BOC: variants seen among roughly 807,000 people sequenced by gnomAD.
The protein encoded by BOC is brother of CDO.
BOC carries 76 observed loss-of-function variants against 112.0 expected under a neutral mutation model. The observed-to-expected ratio is 0.68, with a 90% CI of 0.56 to 0.82. BOC has a LOEUF of 0.82. Ranked by LOEUF, BOC falls within the 40% of genes least tolerant of loss-of-function variation. The pLI, the probability that BOC is intolerant of heterozygous loss-of-function variation, is 0.00. For synonymous variants in BOC, 580 were observed against 599.8 expected (o/e 0.97, Z 0.48); for missense variants, 1,309 against 1,511.7 (o/e 0.87, Z 2.22).
In BOC at chr3:113,274,587, A is replaced by G; in HGVS notation, c.1447A>G (p.Thr483Ala). 1 of 1,613,586 alleles carries G rather than the reference A, an allele frequency of 6.2e-7. No homozygotes were observed. The highest frequency in any genetic ancestry group is 8.5e-7 in the Non-Finnish European group (1 of 1,179,978). ...EAPIILSSPR[T>A]SKTDSYELVW... ...TCCCATCATCCTCAGCTCGCCCCGC[A>G]CCTCCAAGACAGACTCATATGAACT... The change falls in exon 9 of 20, where the codon ACC (threonine) becomes GCC (alanine). Residue 483 changes from threonine to alanine, a missense_variant. Coordinates refer to ENST00000682979, the MANE Select transcript of BOC (RefSeq NM_001378074.1). The surrounding 1 kb of genome is among the most constrained non-coding windows in gnomAD (Gnocchi z 4.8).
intron 5 of BOC, among the ~76,000 whole-genome samples, chr3:113,269,062 C>T (rs983513420): frequency 1.3e-5 from 2 of 152,228 alleles, no homozygotes; most frequent in African/African-American, 2.4e-5. Context: ...GTTCTGCATG[C>T]TGCCTGGGGA....
intron 9 of BOC, among the ~76,000 whole-genome samples, chr3:113,277,024 C>T (rs1219502435): frequency 6.6e-6 from 1 of 152,162 alleles, no homozygotes; most frequent in African/African-American, 2.4e-5. Flanking sequence ...TGTTGGGGAG[C>T]CTGGAGCTCC....
chr3:113,252,235 A>G (rs907506831), intron 4 of BOC, among the ~76,000 whole-genome samples: 1 of 152,132 alleles, frequency 6.6e-6, no homozygotes, highest in African/African-American at 2.4e-5. Context: ...AAAATAGGGA[A>G]ACTTGTTGAG....
Position 113,287,028 on chromosome 3 carries a change from A to T in BOC, c.*166A>T. 2 of 831,482 alleles carry T rather than the reference A, an allele frequency of 2.4e-6. No individual in the cohort carries two copies. Among genetic ancestry groups the T allele is most frequent in the Non-Finnish European group, 1.9e-6 (1 of 519,036 alleles). The allele number at this position is 831,482 out of a possible 1,614,324, so 51.5% of individuals were successfully genotyped here. On this transcript the variant is annotated 3_prime_UTR_variant, in exon 20 of 20. Coordinates refer to ENST00000682979, the MANE Select transcript of BOC (RefSeq NM_001378074.1). ...ATGTTTTATAATTCTGGAGAGACAT[A>T]AGGAGTCCTACCCGTTGAGGTTGGA...
intron 2 of BOC, among the ~76,000 whole-genome samples, chr3:113,226,426 G>T (rs1576338320): frequency 6.6e-6 from 1 of 152,168 alleles, no homozygotes; most frequent in South Asian, 2.1e-4. Flanking sequence ...TGGGCTTCTG[G>T]TTTTACTGAC....
At chr3:113,266,300 G>A (rs1293336948) in intron 4 of BOC, among the ~76,000 whole-genome samples, 2 of 152,160 alleles carry the variant, frequency 1.3e-5, no homozygotes, top group Non-Finnish European at 2.9e-5. Flanking sequence ...TGTGAAATAA[G>A]CACATCATGG....
At chr3:113,282,353 G>A (rs1292358047) in intron 15 of BOC, among the ~76,000 whole-genome samples, 1 of 152,200 alleles carries the variant, frequency 6.6e-6, no homozygotes, top group Admixed American at 6.5e-5. Flanking sequence ...TTCTAAGGAG[G>A]TGTGGGCGGG....
chr3:113,278,034 C>T lies in BOC; in HGVS notation c.1543-61C>T, dbSNP rs1165441713. The T allele has an allele frequency of 6.3e-7, 1 of 1,588,796 alleles. No homozygotes were observed. The highest frequency in any genetic ancestry group is 2.2e-5 in the East Asian group (1 of 44,714). ...GGCTCAGCGCTGCTTTCTTTGTAAA[C>T]CATAGCCCACTCGTAGCCCGAGGCT... On this transcript the variant is annotated intron_variant, in intron 9 of 19. Transcript: ENST00000682979. The surrounding 1 kb of genome is among the most constrained non-coding windows in gnomAD (Gnocchi z 4.2).
intron 1 of BOC, chr3:113,212,520 G>C (rs1225641375): frequency 2.6e-5 from 4 of 152,270 alleles, no homozygotes; most frequent in African/African-American, 9.6e-5. Flanking sequence ...CCTCTTTGGA[G>C]GGTGAGGGTT....
intron 2 of BOC, 50 bp downstream of exon 2, chr3:113,216,324 C>G (rs1190072731): frequency 4.4e-6 from 2 of 453,334 alleles, no homozygotes; most frequent in Non-Finnish European, 8.9e-6. Flanking sequence ...ATTAGGTCAG[C>G]CATTTGTTCA....
chr3:113,242,927 A>C (rs1247569310), intron 2 of BOC, among the ~76,000 whole-genome samples: 2 of 152,102 alleles, frequency 1.3e-5, no homozygotes, highest in East Asian at 3.9e-4. Flanking sequence ...TTTTCTACCT[A>C]AAAAAGGAAT....
chr3:113,227,992 C>T (rs145578416), intron 2 of BOC, among the ~76,000 whole-genome samples: 51 of 152,198 alleles, frequency 3.4e-4, no homozygotes, highest in African/African-American at 1.2e-3. Flanking sequence ...TTTTCTACCA[C>T]CTTCCAACAG....
Position 113,283,607 on chromosome 3 carries a change from C to G in BOC, c.2631C>G (p.Cys877Trp), listed in dbSNP as rs1168627248. ...VLIIVTFIPF[C>W]LWRAWSKQKH... is the part of the protein sequence containing the mutation. The stretch of plus-strand genomic sequence containing the variant: ...TCATCGTCACCTTCATCCCCTTCTG[C>G]TTGTGGAGGGCCTGGTCTAAGCAAA... Residue 877 changes from cysteine to tryptophan, a missense_variant, in exon 16 of 20, where the codon TGC (cysteine) becomes TGG (tryptophan). Transcript: ENST00000682979. The G allele has an allele frequency of 6.2e-7, 1 of 1,613,588 alleles. No homozygotes were observed. Among genetic ancestry groups the G allele is most frequent in the East Asian group, 2.2e-5 (1 of 44,832 alleles).
intron 2 of BOC, among the ~76,000 whole-genome samples, chr3:113,233,871 C>T (rs1327328624): frequency 7.1e-6 from 1 of 141,112 alleles, no homozygotes; most frequent in African/African-American, 2.6e-5. Flanking sequence ...AATTAAGAAC[C>T]ACGGCGGGCT....
Position 113,285,557 on chromosome 3 carries a change from T to C in BOC, c.3152T>C (p.Phe1051Ser). The stretch of plus-strand genomic sequence containing the variant: ...CTGGAAGCAGTGTGGGACCCTCCAT[T>C]TCACTCAGGTTGGTTCCAGGAGCAG... ...PVLEAVWDPP[F>S]HSGPPCCLGL... The change falls in exon 19 of 20, where the codon TTT becomes TCT. Residue 1051 changes from phenylalanine (F) to serine (S), a missense_variant. Physicochemically the swap from Phe to Ser is radical, Grantham distance 155. Transcript: ENST00000682979. The C allele has an allele frequency of 4.4e-6, 7 of 1,578,618 alleles. No homozygotes were observed. The highest frequency in any genetic ancestry group is 2.3e-5 in the East Asian group (1 of 44,416).
intron 1 of BOC, among the ~76,000 whole-genome samples, chr3:113,214,844 C>T (rs1368788696): frequency 6.6e-6 from 1 of 152,156 alleles, no homozygotes; most frequent in Non-Finnish European, 1.5e-5. Flanking sequence ...CTTCCTTGTC[C>T]CAGGAAAGTA....
Position 113,270,941 on chromosome 3 carries a change from C to A in BOC, c.664C>A (p.Arg222Ser), listed in dbSNP as rs577891450. 1.2e-6 allele frequency: 2 copies of A among 1,614,156 alleles called. No homozygotes were observed. Among genetic ancestry groups the A allele is most frequent in the African/African-American group, 1.3e-5 (1 of 75,060 alleles). Residue 222 changes from arginine (R) to serine (S), a missense_variant, in exon 6 of 20, where the codon CGC becomes AGC. Coordinates refer to ENST00000682979, the MANE Select transcript of BOC (RefSeq NM_001378074.1). ...CGGCTCCAGCGACAGGCTACGTGTG[C>A]GCCGTAAGGCCCGGGCCCACCTGCT... Reference protein sequence around the residue: ...TSGSSDRLRVRRSTAEAARII... With the variant: ...TSGSSDRLRVSRSTAEAARII...
chr3:113,276,758 G>T (rs1461685114), intron 9 of BOC, among the ~76,000 whole-genome samples: 1 of 152,170 alleles, frequency 6.6e-6, no homozygotes, highest in Admixed American at 6.5e-5. Context: ...GTCTCAGTTT[G>T]TAAAAACGTC....
In BOC at chr3:113,269,219, A is replaced by G. The variant is rs914019158; in HGVS notation, c.523+774A>G. 3.3e-5 allele frequency among the ~76,000 whole-genome samples: 5 copies of G among 152,324 alleles called. No homozygotes were observed. The South Asian group carries it at 8.3e-4, about 25-fold the overall frequency. ...TTCATTTTTCCCTCTCCCCGTTTGC[A>G]TAGTAAATGCAGTTATCTCAGCTGT... On this transcript the variant is annotated intron_variant, in intron 5 of 19. Transcript: ENST00000682979.
Sources: allele counts gnomAD v4.1 joint callset (sites outside exome capture counted in the v4.1 genomes callset), GRCh38; gene constraint gnomAD v4.1.1; non-coding constraint Gnocchi (gnomAD v3.1); transcripts MANE v1.5; gene names NCBI Gene and HGNC (gene_info 2026-07-23, HGNC 2026-07-21).